The following ZNF326 variants were observed in gnomAD, a reference collection of about 807,000 sequenced individuals.
ZNF326 encodes zinc finger protein 326.
In ZNF326, 30 loss-of-function variants were observed where a neutral mutation model predicts 63.1. The ratio of observed to expected loss-of-function variants is 0.48; its 90% CI spans 0.36 to 0.64. The LOEUF (loss-of-function observed/expected upper bound fraction) is 0.64, where lower values mean the gene tolerates loss of function less well. Among genes scored for constraint, ZNF326 ranks in the 30% least tolerant of loss-of-function variants. ZNF326 has a pLI of 0.00. For missense variants in ZNF326, 609 were observed against 720.3 expected (o/e 0.85, Z 1.77); for synonymous variants, 194 against 228.2 (o/e 0.85, Z 1.35).
Position 90,030,250 on chromosome 1 carries a change from A to G in ZNF326, c.*2549A>G. On this transcript the variant is annotated 3_prime_UTR_variant, in exon 12 of 12. Coordinates refer to ENST00000340281, the MANE Select transcript of ZNF326 (RefSeq NM_182976.4). ...AAGTCATGATAATTTCTTGTTAACTAATCTTGATTCCACCCTTACCATGAT... is the reference window on the plus strand; with the variant it reads ...AAGTCATGATAATTTCTTGTTAACTGATCTTGATTCCACCCTTACCATGAT... 6.6e-6 allele frequency: 1 copy of G among 152,210 alleles called. No homozygotes were observed. Among genetic ancestry groups the G allele is most frequent in the East Asian group, 1.9e-4 (1 of 5,206 alleles). The allele number at this position is 152,210 out of a possible 1,614,324, so 9.4% of individuals were successfully genotyped here.
intron 11 of ZNF326, among the ~76,000 whole-genome samples, chr1:90,022,727 A>G (rs977151648): frequency 6.6e-6 from 1 of 152,184 alleles, no homozygotes. Flanking sequence ...AATTTCTGTT[A>G]CCAGCCCAGA....
chr1:90,016,591 C>T (rs573508849), intron 7 of ZNF326, among the ~76,000 whole-genome samples: 15 of 151,932 alleles, frequency 9.9e-5, no homozygotes, highest in South Asian at 2.1e-4. Context: ...GTGGCGCATG[C>T]CTGTAGTCCC....
intron 7 of ZNF326, 63 bp from the exon 8 acceptor site, chr1:90,017,254 C>A (rs1649541653): frequency 3.4e-6 from 4 of 1,169,134 alleles, no homozygotes; most frequent in South Asian, 1.6e-5. Flanking sequence ...ATGTTATATT[C>A]TTATGAACTC....
At chr1:90,004,648 C>T (rs1336542486) in intron 2 of ZNF326, among the ~76,000 whole-genome samples, 2 of 152,038 alleles carry the variant, frequency 1.3e-5, no homozygotes, top group Non-Finnish European at 2.9e-5. Flanking sequence ...CCCAGGAGTT[C>T]GAGACCAGCC....
chr1:90,024,485 T>C lies in ZNF326; in HGVS notation c.1401+2140T>C, dbSNP rs192150501. Among the ~76,000 whole-genome samples, 11 of 152,288 alleles carry C rather than the reference T, an allele frequency of 7.2e-5. No individual in the cohort carries two copies. The East Asian group carries it at 2.1e-3, about 29-fold the overall frequency. On this transcript the variant is annotated intron_variant, in intron 11 of 11. Transcript: ENST00000340281. ...TGCCAGTCCTGTGTTTCCCAGATTT[T>C]CACTCAATTCACAATAATTTTACTT... is the stretch of plus-strand genomic sequence containing the variant.
In ZNF326 at chr1:90,033,823, C is replaced by T. The variant is rs1042122495; in HGVS notation, c.*6122C>T. Reference sequence around the variant, plus strand: ...GTATAGAGAATTCACCATTGAATACCCTGCATATATCACAGTGCCAGGTAA... The same window carrying T: ...GTATAGAGAATTCACCATTGAATACTCTGCATATATCACAGTGCCAGGTAA... On this transcript the variant is annotated 3_prime_UTR_variant, in exon 12 of 12. Coordinates refer to ENST00000340281, the MANE Select transcript of ZNF326 (RefSeq NM_182976.4). 6.6e-6 allele frequency: 1 copy of T among 151,822 alleles called. No homozygotes were observed. The highest frequency in any genetic ancestry group is 2.4e-5 in the African/African-American group (1 of 41,338). The allele number at this position is 151,822 out of a possible 1,614,324, so 9.4% of individuals were successfully genotyped here. A position where few individuals can be genotyped will look rare whatever the true frequency, so the allele number is the denominator to read the frequency against.
In ZNF326 at chr1:90,028,715, A is replaced by G. The variant is rs529662509; in HGVS notation, c.*1014A>G. ...AGAACATGAGCTTGATAGAGGATCT[A>G]TTCTTAAATAATTTATTTTCAAACA... On this transcript the variant is annotated 3_prime_UTR_variant, in exon 12 of 12. Transcript: ENST00000340281. 1.3e-5 allele frequency: 2 copies of G among 152,144 alleles called. No individual in the cohort carries two copies. Among genetic ancestry groups the G allele is most frequent in the Non-Finnish European group, 2.9e-5 (2 of 68,032 alleles). The allele number at this position is 152,144 out of a possible 1,614,324, so 9.4% of individuals were successfully genotyped here.
chr1:90,010,978 A>C (rs534755322), intron 6 of ZNF326, among the ~76,000 whole-genome samples: 42 of 152,290 alleles, frequency 2.8e-4, no homozygotes, highest in African/African-American at 1.0e-3. Context: ...GTCAATTGAT[A>C]GACTGTTATG....
chr1:90,027,370 A>G lies in ZNF326; in HGVS notation c.1418A>G (p.Glu473Gly). 1 of 1,613,706 alleles carries G rather than the reference A, an allele frequency of 6.2e-7. No individual in the cohort carries two copies. Among genetic ancestry groups the G allele is most frequent in the Non-Finnish European group, 8.5e-7 (1 of 1,179,876 alleles). ...TGTTTTTAGGGTGAGAATCCTTTTG[A>G]AATTCAAGACCATTCTCAGGATCAG... Reference protein sequence around the residue: ...ERFVKGENPFEIQDHSQDQQI... With the variant: ...ERFVKGENPFGIQDHSQDQQI... The change falls in exon 12 of 12, where the codon GAA becomes GGA. Residue 473 changes from glutamate to glycine, a missense_variant. By Grantham distance (98) the Glu-to-Gly change is moderately conservative. Transcript: ENST00000340281.
chr1:89,995,388 G>T, intron 1 of ZNF326, 115 bp downstream of exon 1: 1 of 1,337,482 alleles, frequency 7.5e-7, no homozygotes, highest in Non-Finnish European at 9.8e-7. Context: ...GGGCCCGGAG[G>T]CCGCCCGCCC....
chr1:90,016,260 G>A (rs1267661133), intron 7 of ZNF326, among the ~76,000 whole-genome samples: 2 of 151,988 alleles, frequency 1.3e-5, no homozygotes, highest in Admixed American at 1.3e-4. Context: ...TCACAAAATG[G>A]AATTAGGATA....
intron 7 of ZNF326, 61 bp downstream of exon 7, chr1:90,013,298 C>A: frequency 1.6e-6 from 2 of 1,257,908 alleles, no homozygotes; most frequent in South Asian, 1.7e-5. Context: ...AAAAAGCCAA[C>A]ACATCAATTG....
At chr1:90,020,045 T>C (rs1179919941) in intron 9 of ZNF326, among the ~76,000 whole-genome samples, 2 of 152,158 alleles carry the variant, frequency 1.3e-5, no homozygotes, top group Non-Finnish European at 2.9e-5. Context: ...CTTTAAATAC[T>C]GTATTTGTTC....
At position 90,011,165 on chromosome 1, in the gene ZNF326, A is replaced by G. The variant is rs146542356; in HGVS notation, c.814+879A>G. Reference sequence around the variant, plus strand: ...TATCCCTCCCCCATACCCCCTTTTTATATAACAAAACTTGAGAAAAGTGTT... The same window carrying G: ...TATCCCTCCCCCATACCCCCTTTTTGTATAACAAAACTTGAGAAAAGTGTT... On this transcript the variant is annotated intron_variant, in intron 6 of 11. Transcript: ENST00000340281. Among the ~76,000 whole-genome samples, 27 of 152,272 alleles carry G rather than the reference A, an allele frequency of 1.8e-4. No homozygotes were observed. The East Asian group carries it at 2.7e-3, about 15-fold the overall frequency.
intron 6 of ZNF326, 76 bp downstream of exon 6, chr1:90,010,362 T>G (rs1275681152): frequency 1.4e-5 from 20 of 1,442,538 alleles, no homozygotes; most frequent in Non-Finnish European, 1.8e-5. Flanking sequence ...TGGTAATTTT[T>G]TCATGTTTAT....
chr1:90,011,745 A>T lies in ZNF326; in HGVS notation c.815-1381A>T, dbSNP rs112399211. On this transcript the variant is annotated intron_variant, in intron 6 of 11. Transcript: ENST00000340281. ...GATTGGTGCTTCCTGAAACAATTAA[A>T]CATAGACTGTCCATATGATCCAGCA... Among the ~76,000 whole-genome samples the T allele has an allele frequency of 1.6e-3, 240 of 152,292 alleles. 6 individuals carry two copies. The highest frequency in any genetic ancestry group is 5.4e-3 in the African/African-American group (226 of 41,544).
intron 4 of ZNF326, chr1:90,005,633 G>A (rs1648952418): frequency 1.1e-6 from 1 of 943,834 alleles, no homozygotes. Context: ...CTAATGTGGG[G>A]TGCTATGTAA....
chr1:90,008,521 A>G (rs1432720690), intron 5 of ZNF326, among the ~76,000 whole-genome samples: 3 of 152,216 alleles, frequency 2.0e-5, no homozygotes, highest in African/African-American at 7.2e-5. Context: ...TAGTGTAAAC[A>G]TTATGCTTTA....
intron 4 of ZNF326, chr1:90,005,791 G>A (rs1471647079): frequency 2.8e-5 from 28 of 985,042 alleles, no homozygotes; most frequent in Non-Finnish European, 3.3e-5. Flanking sequence ...TTATGTTCAG[G>A]TTATTTATTG....
Sources: gnomAD v4.1 joint callset for allele counts (sites outside exome capture counted in the v4.1 genomes callset) on GRCh38, gnomAD v4.1.1 for gene constraint, MANE v1.5 for transcripts, NCBI Gene and HGNC (gene_info 2026-07-23, HGNC 2026-07-21) for gene names.